Variants in ZC3H3 observed in about 807,000 individuals in gnomAD.
ZC3H3 encodes the protein zinc finger CCCH-type containing 3.
Under a neutral mutation model 77.3 loss-of-function variants are expected in ZC3H3, and 36 were observed. That is an observed-to-expected ratio of 0.47 (90% confidence interval 0.36 to 0.61). The LOEUF (loss-of-function observed/expected upper bound fraction) is 0.61, where lower values mean the gene tolerates loss of function less well. Among genes scored for constraint, ZC3H3 ranks in the 20% least tolerant of loss-of-function variants. The probability of loss-of-function intolerance (pLI) is 0.00; values close to 1 mark genes in which losing one functional copy is unlikely to be tolerated. For missense variants in ZC3H3, 1,331 were observed against 1,312.2 expected (o/e 1.01, Z -0.22); for synonymous variants, 626 against 555.2 (o/e 1.13, Z -1.79).
At chr8:143,449,409 C>T (rs1162425658) in intron 9 of ZC3H3, among the ~76,000 whole-genome samples, 1 of 152,218 alleles carries the variant, frequency 6.6e-6, no homozygotes, top group African/African-American at 2.4e-5. Context: ...ACACCTTGAA[C>T]ACTTTGCTGC....
At position 143,501,853 on chromosome 8, in the gene ZC3H3, G is replaced by A. The variant is rs1189922035; in HGVS notation, c.1715+5893C>T. Among the ~76,000 whole-genome samples the A allele has an allele frequency of 2.0e-5, 3 of 152,244 alleles. No individual in the cohort carries two copies. In the East Asian group the frequency reaches 5.8e-4, roughly 29 times the overall value. ...GTCCTCTGACTGGCACACCCTTTGA[G>A]GCACATCAGAAGATGGCGAGAACCC... On this transcript the variant is annotated intron_variant, in intron 4 of 11. Coordinates refer to ENST00000262577, the MANE Select transcript of ZC3H3 (RefSeq NM_015117.3).
chr8:143,466,087 C>T (rs192841795), intron 8 of ZC3H3, among the ~76,000 whole-genome samples: 4 of 152,342 alleles, frequency 2.6e-5, no homozygotes, highest in Admixed American at 1.3e-4. Context: ...CATGGAGCAG[C>T]CCTGTAGCCC....
chr8:143,512,141 G>A (rs1291773231), intron 3 of ZC3H3, among the ~76,000 whole-genome samples: 3 of 152,250 alleles, frequency 2.0e-5, no homozygotes, highest in Admixed American at 6.5e-5. Context: ...CTGCATGCAA[G>A]GAGAGCGAGC....
intron 3 of ZC3H3, among the ~76,000 whole-genome samples, chr8:143,525,531 G>A (rs1586957955): frequency 6.6e-6 from 1 of 152,188 alleles, no homozygotes; most frequent in Non-Finnish European, 1.5e-5. Flanking sequence ...GCTGGGAGCC[G>A]AGAGAGGAGC....
At chr8:143,534,307 A>G (rs1269965543) in intron 3 of ZC3H3, among the ~76,000 whole-genome samples, 1 of 150,122 alleles carries the variant, frequency 6.7e-6, no homozygotes, top group African/African-American at 2.4e-5. Flanking sequence ...CGACGAGATC[A>G]ATTACGCCCT....
At chr8:143,485,806 G>T (rs1318015652) in intron 4 of ZC3H3, among the ~76,000 whole-genome samples, 1 of 152,214 alleles carries the variant, frequency 6.6e-6, no homozygotes, top group East Asian at 1.9e-4. Flanking sequence ...ACCCAAAGAG[G>T]CCCTTTACAG....
chr8:143,513,379 CCA>C (rs1314736183), intron 3 of ZC3H3, among the ~76,000 whole-genome samples: 1 of 152,166 alleles, frequency 6.6e-6, no homozygotes, highest in Non-Finnish European at 1.5e-5. Context: ...GCAGGTGAGC[CCA>C]GAGTCCCCAT....
chr8:143,531,596 C>G (rs1050018746), intron 3 of ZC3H3, among the ~76,000 whole-genome samples: 2 of 152,226 alleles, frequency 1.3e-5, no homozygotes, highest in Non-Finnish European at 2.9e-5. Flanking sequence ...CAGCATATAT[C>G]CTGTGGCACT....
intron 4 of ZC3H3, among the ~76,000 whole-genome samples, chr8:143,479,822 G>A (rs1011151105): frequency 6.6e-6 from 1 of 152,192 alleles, no homozygotes; most frequent in African/African-American, 2.4e-5. Flanking sequence ...GGCCAGGAGG[G>A]GGAGATAACA....
chr8:143,484,235 G>A (rs1026449946), intron 4 of ZC3H3, among the ~76,000 whole-genome samples: 2 of 152,048 alleles, frequency 1.3e-5, no homozygotes, highest in African/African-American at 2.4e-5. Flanking sequence ...CTGGGCACTG[G>A]TCCTTCCGAG....
chr8:143,527,622 A>G (rs1822458478), intron 3 of ZC3H3, among the ~76,000 whole-genome samples: 1 of 152,144 alleles, frequency 6.6e-6, no homozygotes, highest in Admixed American at 6.5e-5. Flanking sequence ...CTAATTCAGC[A>G]TTTTCTTTTT....
chr8:143,515,999 T>C (rs1822027013), intron 3 of ZC3H3, among the ~76,000 whole-genome samples: 1 of 152,156 alleles, frequency 6.6e-6, no homozygotes, highest in Admixed American at 6.5e-5. Flanking sequence ...GCCCTGCAGG[T>C]GCAGGGAGTG....
chr8:143,504,596 GC>G (rs1821631169), intron 4 of ZC3H3, among the ~76,000 whole-genome samples: 2 of 152,264 alleles, frequency 1.3e-5, no homozygotes, highest in South Asian at 4.1e-4. Context: ...CATGGTACAA[GC>G]AGGCAGGGAC....
intron 4 of ZC3H3, among the ~76,000 whole-genome samples, chr8:143,490,099 C>A (rs1196987309): frequency 1.3e-5 from 2 of 152,144 alleles, no homozygotes; most frequent in African/African-American, 4.8e-5. Context: ...AGGGCCCTGG[C>A]AGGTACTGGG....
chr8:143,472,476 G>A (rs1820596152), intron 5 of ZC3H3, among the ~76,000 whole-genome samples: 1 of 152,220 alleles, frequency 6.6e-6, no homozygotes. Flanking sequence ...AGGGAGGAGT[G>A]TGCAGCCCCT....
At chr8:143,473,518 G>A (rs531100628) in intron 5 of ZC3H3, among the ~76,000 whole-genome samples, 7 of 152,298 alleles carry the variant, frequency 4.6e-5, no homozygotes, top group South Asian at 4.1e-4. Context: ...GTGAGGGCTC[G>A]GGGTGCCCTT....
chr8:143,459,610 T>C (rs1820205425), intron 9 of ZC3H3, among the ~76,000 whole-genome samples: 1 of 152,068 alleles, frequency 6.6e-6, no homozygotes, highest in Non-Finnish European at 1.5e-5. Context: ...GCAAGGATGG[T>C]TTCATACACA....
intron 9 of ZC3H3, among the ~76,000 whole-genome samples, chr8:143,459,770 TA>T (rs909729979): frequency 1.4e-5 from 2 of 147,216 alleles, no homozygotes; most frequent in African/African-American, 5.1e-5. Context: ...ATTTCATGTT[TA>T]AAAAAAACCA....
chr8:143,528,891 G>A (rs1190512742), intron 3 of ZC3H3, among the ~76,000 whole-genome samples: 2 of 152,234 alleles, frequency 1.3e-5, no homozygotes, highest in South Asian at 4.1e-4. Flanking sequence ...TCACGTGCAC[G>A]CAGGGCGGCC....
Sources: gnomAD v4.1 joint callset for allele counts (sites outside exome capture counted in the v4.1 genomes callset) on GRCh38, gnomAD v4.1.1 for gene constraint, MANE v1.5 for transcripts, NCBI Gene and HGNC (gene_info 2026-07-23, HGNC 2026-07-21) for gene names.